Variants in NAA11 observed in about 807,000 individuals in gnomAD.
The protein encoded by NAA11 is N-alpha-acetyltransferase 11.
NAA11 carries 15 observed loss-of-function variants against 16.1 expected under a neutral mutation model. The observed-to-expected ratio is 0.93, with a 90% CI of 0.62 to 1.44. The LOEUF is 1.44. Ranked by LOEUF, NAA11 falls within the 40% of genes most tolerant of loss-of-function variation. NAA11 has a pLI of 0.00. For missense variants in NAA11, 298 were observed against 291.3 expected, an observed-to-expected ratio of 1.02 and a Z score of -0.17; for synonymous variants, 122 against 112.4, an observed-to-expected ratio of 1.09 and a Z score of -0.54.
the NAA11 span, among the ~76,000 whole-genome samples, chr4:79,202,373 C>T: frequency 6.6e-6 from 1 of 150,698 alleles, no homozygotes; most frequent in African/African-American, 2.4e-5. Context: ...TATTTTTGAA[C>T]AGATGAGCCT....
chr4:79,316,302 TAAAAAGAA>T (rs1723925261), downstream of NAA11, among the ~76,000 whole-genome samples: 1 of 152,072 alleles, frequency 6.6e-6, no homozygotes, highest in South Asian at 2.1e-4. Context: ...GATAGAATAT[TAAAAAGAA>T]AAAAGGAAAA....
intron 2 of NAA11, among the ~76,000 whole-genome samples, chr4:79,266,754 C>T (rs1722354208): frequency 6.6e-6 from 1 of 152,166 alleles, no homozygotes; most frequent in African/African-American, 2.4e-5. Flanking sequence ...AAGTGAATCA[C>T]AGAAGATTCA....
downstream of NAA11, chr4:79,225,556 G>C (rs1324563335): frequency 2.0e-5 from 3 of 152,070 alleles, no homozygotes; most frequent in African/African-American, 7.2e-5. Context: ...TTGGTATCAA[G>C]TTTGTGGGTA....
chr4:79,227,543 G>T (rs1721345993), intron 2 of NAA11: 1 of 151,908 alleles, frequency 6.6e-6, no homozygotes, highest in Non-Finnish European at 1.5e-5. Flanking sequence ...AGACAGTGGT[G>T]TCCCAGAAAC....
At chr4:79,248,473 C>T (rs903310157) in intron 2 of NAA11, among the ~76,000 whole-genome samples, 2 of 152,270 alleles carry the variant, frequency 1.3e-5, no homozygotes. Context: ...CCTGCTGTGC[C>T]ACCATTGACA....
the NAA11 span, among the ~76,000 whole-genome samples, chr4:79,176,912 C>T: frequency 6.6e-6 from 1 of 152,100 alleles, no homozygotes; most frequent in Admixed American, 6.6e-5. Flanking sequence ...AGGAAGTCCT[C>T]CACTGTCCAC....
At chr4:79,255,704 C>G (rs754283839) in intron 2 of NAA11, among the ~76,000 whole-genome samples, 5 of 152,084 alleles carry the variant, frequency 3.3e-5, no homozygotes, top group African/African-American at 4.8e-5. Context: ...TGGCTTTGCC[C>G]AGGAAGGAAT....
At chr4:79,250,323 G>A (rs962734870) in intron 2 of NAA11, among the ~76,000 whole-genome samples, 2 of 152,236 alleles carry the variant, frequency 1.3e-5, no homozygotes, top group South Asian at 2.1e-4. Flanking sequence ...CACGTTCAGC[G>A]GGCCCCGCTC....
chr4:79,219,944 G>GT, the NAA11 span, among the ~76,000 whole-genome samples: 1 of 152,146 alleles, frequency 6.6e-6, no homozygotes, highest in Non-Finnish European at 1.5e-5. Flanking sequence ...TATTTCATTA[G>GT]TTTTTGAGCC....
chr4:79,189,859 G>A, the NAA11 span, among the ~76,000 whole-genome samples: 2 of 152,178 alleles, frequency 1.3e-5, no homozygotes, highest in Non-Finnish European at 2.9e-5. Flanking sequence ...AATTGATAGA[G>A]CAAAGACTTC....
At chr4:79,200,857 T>G in the NAA11 span, among the ~76,000 whole-genome samples, 34 of 151,730 alleles carry the variant, frequency 2.2e-4, no homozygotes, top group East Asian at 6.6e-3. Context: ...CATGACAAAA[T>G]TGGTTTCCAC....
chr4:79,204,117 C>T, the NAA11 span, among the ~76,000 whole-genome samples: 141 of 151,926 alleles, frequency 9.3e-4, no homozygotes, highest in Non-Finnish European at 1.6e-3. Flanking sequence ...AAAGTCTTAA[C>T]AGCCCGCTTA....
At chr4:79,200,278 A>T in the NAA11 span, among the ~76,000 whole-genome samples, 458 of 151,910 alleles carry the variant, frequency 3.0e-3, 2 homozygotes, top group African/African-American at 0.01. Flanking sequence ...TCAGAAGAAT[A>T]CTTGACACAT....
chr4:79,216,619 A>G, the NAA11 span, among the ~76,000 whole-genome samples: 1 of 152,154 alleles, frequency 6.6e-6, no homozygotes, highest in African/African-American at 2.4e-5. Flanking sequence ...AAATAATATT[A>G]TATTTTCTAG....
intron 1 of NAA11, among the ~76,000 whole-genome samples, chr4:79,323,491 C>A (rs940026392): frequency 2.0e-5 from 3 of 151,934 alleles, no homozygotes; most frequent in African/African-American, 7.3e-5. Flanking sequence ...TCGAGACCAG[C>A]CTGGCCAATA....
At chr4:79,252,550 G>A (rs562878900) in intron 2 of NAA11, among the ~76,000 whole-genome samples, 1 of 152,090 alleles carries the variant, frequency 6.6e-6, no homozygotes, top group African/African-American at 2.4e-5. Context: ...AAAAAACATG[G>A]TAATGGCATA....
At chr4:79,158,818 G>A in the NAA11 span, among the ~76,000 whole-genome samples, 69 of 151,420 alleles carry the variant, frequency 4.6e-4, no homozygotes, top group Non-Finnish European at 6.6e-4. Context: ...CAAATACTTA[G>A]AGCAAACTGA....
the NAA11 span, among the ~76,000 whole-genome samples, chr4:79,181,976 G>A: frequency 6.6e-6 from 1 of 152,130 alleles, no homozygotes; most frequent in Non-Finnish European, 1.5e-5. Context: ...CATTTCTTGT[G>A]TTTTCTGAAC....
rs537907941 is a variant in NAA11 at position 79,279,447 on chromosome 4, C to T, written c.*122+14558G>A. On this transcript the variant is annotated intron_variant and NMD_transcript_variant, in intron 2 of 2. Transcript: ENST00000511542. The stretch of plus-strand genomic sequence containing the variant: ...TAAACACAACTAGAAATTTGGGATA[C>T]ATCAGGCAACATAGCATAAAGATCT... 2.0e-5 allele frequency among the ~76,000 whole-genome samples: 3 copies of T among 152,178 alleles called. No individual in the cohort carries two copies. The East Asian group carries it at 5.8e-4, about 29-fold the overall frequency.
Sources: gnomAD v4.1 joint callset for allele counts (sites outside exome capture counted in the v4.1 genomes callset) on GRCh38, gnomAD v4.1.1 for gene constraint, MANE v1.5 for transcripts, NCBI Gene and HGNC (gene_info 2026-07-23, HGNC 2026-07-21) for gene names.